The following NFATC1 variants were observed in gnomAD, a reference collection of about 807,000 sequenced individuals.
NFATC1 encodes the protein nuclear factor of activated T-cells, cytoplasmic 1.
Under a neutral mutation model 76.0 loss-of-function variants are expected in NFATC1, and 22 were observed. The observed-to-expected ratio is 0.29, with a 90% confidence interval of 0.21 to 0.41. The LOEUF is 0.41. Among genes scored for constraint, NFATC1 ranks in the 10% least tolerant of loss-of-function variants. The pLI is 1.00. For synonymous variants in NFATC1, 704 were observed against 613.1 expected (o/e 1.15, Z -2.19); for missense variants, 1,357 against 1,337.7 (o/e 1.01, Z -0.23).
intron 2 of NFATC1, among the ~76,000 whole-genome samples, chr18:79,431,497 C>T (rs1600693349): frequency 6.6e-6 from 1 of 151,966 alleles, no homozygotes; most frequent in Non-Finnish European, 1.5e-5. Flanking sequence ...GGGATCCTCC[C>T]CACTCAGCCT....
At chr18:79,469,232 C>A (rs2088675022) in intron 8 of NFATC1, 2 of 649,686 alleles carry the variant, frequency 3.1e-6, no homozygotes, top group Non-Finnish European at 3.8e-6. Context: ...GCATGGTTGA[C>A]CAGAAATTGA....
intron 9 of NFATC1, among the ~76,000 whole-genome samples, chr18:79,498,977 A>G (rs574229367): frequency 2.0e-5 from 3 of 152,372 alleles, no homozygotes; most frequent in Non-Finnish European, 4.4e-5. Flanking sequence ...GACACACAGA[A>G]TTTGTTGCCA....
chr18:79,457,321 GTGA>G (rs2087787303), intron 6 of NFATC1, among the ~76,000 whole-genome samples: 1 of 152,190 alleles, frequency 6.6e-6, no homozygotes, highest in Non-Finnish European at 1.5e-5. Flanking sequence ...CTAGAATTGA[GTGA>G]TGACCCCACA....
intron 5 of NFATC1, among the ~76,000 whole-genome samples, chr18:79,451,364 GGT>G (rs1484400005): frequency 3.3e-5 from 5 of 152,260 alleles, no homozygotes; most frequent in African/African-American, 4.8e-5. Flanking sequence ...CAGGGAAAGC[GGT>G]GTGGGCCGGG....
chr18:79,398,858 A>G (rs2085088799), intron 1 of NFATC1, among the ~76,000 whole-genome samples: 1 of 152,214 alleles, frequency 6.6e-6, no homozygotes, highest in African/African-American at 2.4e-5. Flanking sequence ...CACGAGGTCA[A>G]GAGATCGAGA....
intron 8 of NFATC1, among the ~76,000 whole-genome samples, chr18:79,478,611 C>T (rs1008366703): frequency 6.6e-5 from 10 of 152,204 alleles, no homozygotes; most frequent in South Asian, 2.1e-4. Flanking sequence ...AGGATTGTGC[C>T]GAATGCTCTT....
intron 3 of NFATC1, among the ~76,000 whole-genome samples, chr18:79,445,277 A>G (rs1208784699): frequency 6.6e-6 from 1 of 152,206 alleles, no homozygotes; most frequent in Non-Finnish European, 1.5e-5. Flanking sequence ...TCGTTCCTGC[A>G]GGAACACCTG....
intron 1 of NFATC1, among the ~76,000 whole-genome samples, chr18:79,399,147 A>C (rs757831680): frequency 6.6e-6 from 1 of 152,276 alleles, no homozygotes; most frequent in East Asian, 1.9e-4. Context: ...CACTTGCCCA[A>C]GGTCGGCAAA....
At chr18:79,492,253 C>T (rs2089700727) in intron 9 of NFATC1, among the ~76,000 whole-genome samples, 1 of 152,134 alleles carries the variant, frequency 6.6e-6, no homozygotes, top group African/African-American at 2.4e-5. Flanking sequence ...GCACAGCCCA[C>T]ATCCTGTGCG....
chr18:79,435,910 A>T (rs1298730055), intron 3 of NFATC1, among the ~76,000 whole-genome samples: 1 of 152,204 alleles, frequency 6.6e-6, no homozygotes, highest in Non-Finnish European at 1.5e-5. Flanking sequence ...AGCTGTCAGC[A>T]TATCTCATTT....
chr18:79,412,205 C>G (rs1041653087), intron 2 of NFATC1, among the ~76,000 whole-genome samples: 2 of 152,198 alleles, frequency 1.3e-5, no homozygotes, highest in African/African-American at 4.8e-5. Context: ...ACTTAACCAG[C>G]TTGGTGTTTT....
intron 1 of NFATC1, among the ~76,000 whole-genome samples, chr18:79,399,826 G>A (rs1215243648): frequency 4.6e-5 from 7 of 152,142 alleles, no homozygotes; most frequent in East Asian, 3.9e-4. Context: ...TCCCGGCACC[G>A]TCGGGCTGAA....
At chr18:79,442,725 G>A (rs1268307622) in intron 3 of NFATC1, among the ~76,000 whole-genome samples, 2 of 152,184 alleles carry the variant, frequency 1.3e-5, no homozygotes, top group Admixed American at 1.3e-4. Context: ...CTGCTCCGGC[G>A]GGCCACGCCT....
chr18:79,448,162 C>G (rs911172463), intron 3 of NFATC1: 10 of 154,554 alleles, frequency 6.5e-5, no homozygotes, highest in Admixed American at 1.9e-4. Context: ...CACCTCCATG[C>G]ATGGTTGCCC....
At chr18:79,468,329 C>T (rs1028348743) in intron 8 of NFATC1, 1 of 152,176 alleles carries the variant, frequency 6.6e-6, no homozygotes, top group Non-Finnish European at 1.5e-5. Context: ...ACAGGCCACT[C>T]CCCCCAGCTC....
At chr18:79,401,581 C>G (rs2148137838) in intron 1 of NFATC1, among the ~76,000 whole-genome samples, 1 of 152,364 alleles carries the variant, frequency 6.6e-6, no homozygotes, top group South Asian at 2.1e-4. Flanking sequence ...CCTTCCAGAG[C>G]TGGTTCCAGT....
At position 79,451,089 on chromosome 18, in the gene NFATC1, G is replaced by A. The variant is rs780139706; in HGVS notation, c.1725G>A (p.Thr575=). 3.8e-5 allele frequency: 62 copies of A among 1,612,926 alleles called. No homozygotes were observed. The highest frequency in any genetic ancestry group is 1.6e-4 in the East Asian group (7 of 44,886). Residue 575 remains threonine, a synonymous_variant, in exon 5 of 10, where the codon ACG becomes ACA. Transcript: ENST00000427363. ...ACGTCCCGCAACCCAGCGGCCGCAC[G>A]CTGTCCCTGCAGGTGGCCTCCAACC... is the stretch of plus-strand genomic sequence containing the variant. ...RVHVPQPSGR[T]LSLQVASNPI... is the part of the protein sequence containing the mutation.
rs747803592 is a variant in NFATC1, at chr18:79,486,728, C to T, written c.2573C>T (p.Pro858Leu). ...SPPLPPATQE[P>L]TCLQPCSPAC... ...CCACTCCCGCCTGCCACCCAAGAGC[C>T]GACCTGCCTGCAGCCCTGCAGCCCA... is the stretch of plus-strand genomic sequence containing the variant. Residue 858 changes from proline to leucine, a missense_variant, in exon 9 of 10, where the codon CCG (proline) becomes CTG (leucine). Transcript: ENST00000427363. The T allele has an allele frequency of 1.3e-5, 20 of 1,598,652 alleles. No individual in the cohort carries two copies. Among genetic ancestry groups the T allele is most frequent in the Admixed American group, 5.1e-5 (3 of 58,932 alleles).
rs1054940159 is a variant in NFATC1 at position 79,434,784 on chromosome 18, C to A, written c.1386+1046C>A. On this transcript the variant is annotated intron_variant, in intron 3 of 9. Transcript: ENST00000427363. ...GCCGCAGGGACAAATGGCTGTTTGCCAACGCAGCAGCCGGCGGCAGGGAAT... is the reference window on the plus strand; with the variant it reads ...GCCGCAGGGACAAATGGCTGTTTGCAAACGCAGCAGCCGGCGGCAGGGAAT... Among the ~76,000 whole-genome samples the A allele has an allele frequency of 3.9e-5, 6 of 152,216 alleles. No individual in the cohort carries two copies. In the East Asian group the frequency reaches 1.2e-3, roughly 29 times the overall value.
Sources: allele counts gnomAD v4.1 joint callset (sites outside exome capture counted in the v4.1 genomes callset), GRCh38; gene constraint gnomAD v4.1.1; transcripts MANE v1.5; gene names NCBI Gene and HGNC (gene_info 2026-07-23, HGNC 2026-07-21).